Variants in KATNIP observed in about 807,000 individuals in gnomAD.
KATNIP encodes the protein katanin interacting protein.
In KATNIP, 126 loss-of-function variants were observed where a neutral mutation model predicts 174.0. The observed-to-expected ratio is 0.72, with a 90% CI of 0.63 to 0.84. The LOEUF is 0.84. Among genes scored for constraint, KATNIP ranks in the 40% least tolerant of loss-of-function variants. The pLI, the probability that KATNIP is intolerant of heterozygous loss-of-function variation, is 0.00. For synonymous variants in KATNIP, 810 were observed against 835.7 expected, an observed-to-expected ratio of 0.97 and a Z score of 0.53; for missense variants, 1,958 against 2,109.7, an observed-to-expected ratio of 0.93 and a Z score of 1.41.
At chr16:27,743,101 CAT>C (rs1374419897) in intron 15 of KATNIP, among the ~76,000 whole-genome samples, 4 of 152,194 alleles carry the variant, frequency 2.6e-5, no homozygotes, top group African/African-American at 9.7e-5. Flanking sequence ...TAAGTAAGAA[CAT>C]GTGGTGTTTG....
Position 27,778,574 on chromosome 16 carries a change from C to T in KATNIP, c.4802C>T (p.Ala1601Val), listed in dbSNP as rs756162835. Reference sequence around the variant, plus strand: ...GTCCCTCTGTTCCCTGTCATGACAGCCTTACGTCCCAAAACCTGCATCAGC... The same window carrying T: ...GTCCCTCTGTTCCCTGTCATGACAGTCTTACGTCCCAAAACCTGCATCAGC... ...AKRKQSVVDPALRPKTCISEK... is the reference protein window; with the variant it reads ...AKRKQSVVDPVLRPKTCISEK... Residue 1601 changes from alanine to valine, a missense_variant and splice_region_variant, in exon 28 of 28, where the codon GCC becomes GTC. By Grantham distance (64) the Ala-to-Val change is moderately conservative (BLOSUM62 0). Around this residue, in one of 3 missense-constraint regions of KATNIP, gnomAD observed 383 missense variants for 456.0 expected, o/e 0.84. Transcript: ENST00000261588. 10 of 1,613,544 alleles carry T rather than the reference C, an allele frequency of 6.2e-6. No individual in the cohort carries two copies. Among genetic ancestry groups the T allele is most frequent in the East Asian group, 2.2e-5 (1 of 44,848 alleles).
intron 11 of KATNIP, among the ~76,000 whole-genome samples, chr16:27,703,583 CT>C (rs2079184935): frequency 1.3e-5 from 2 of 152,232 alleles, no homozygotes; most frequent in South Asian, 4.1e-4. Flanking sequence ...AGGTCACGGG[CT>C]GGATTTGACC....
chr16:27,578,193 C>T (rs1423814619), intron 2 of KATNIP, among the ~76,000 whole-genome samples: 3 of 151,928 alleles, frequency 2.0e-5, no homozygotes, highest in East Asian at 1.9e-4. Context: ...ATTAGCCAGG[C>T]GTGGTGGTAC....
intron 6 of KATNIP, among the ~76,000 whole-genome samples, chr16:27,670,125 C>A (rs1306942699): frequency 6.6e-6 from 1 of 152,088 alleles, no homozygotes; most frequent in East Asian, 1.9e-4. Context: ...CTTAAAATAG[C>A]CATCGGTTTA....
intron 8 of KATNIP, among the ~76,000 whole-genome samples, chr16:27,690,132 A>G (rs2078663425): frequency 6.6e-6 from 1 of 151,614 alleles, no homozygotes; most frequent in Non-Finnish European, 1.5e-5. Context: ...GTGATACCTC[A>G]TCTCTACAAA....
At chr16:27,572,253 T>TA (rs918432455) in intron 1 of KATNIP, among the ~76,000 whole-genome samples, 17 of 151,650 alleles carry the variant, frequency 1.1e-4, no homozygotes, top group South Asian at 1.0e-3. Flanking sequence ...CCCATCTCTA[T>TA]AAAAAAAATT....
Position 27,655,199 on chromosome 16 carries a change from TATATATATATATATATA to T in KATNIP, c.540+6465_540+6481del, listed in dbSNP as rs1478573055. 7.2e-4 allele frequency among the ~76,000 whole-genome samples: 78 copies of T among 108,188 alleles called. 1 individual carries two copies. Among genetic ancestry groups the T allele is most frequent in the African/African-American group, 3.5e-3 (75 of 21,730 alleles). 71.0% of individuals were successfully genotyped at this position (108,188 alleles called of 152,430 possible). On this transcript the variant is annotated intron_variant, in intron 6 of 27. Coordinates refer to ENST00000261588, the MANE Select transcript of KATNIP (RefSeq NM_015202.5). ...ATGGATATATATATATATATATATATATATATATATATATATATATATATATATATTTTGTTTGTTTG... is the reference window on the plus strand; with the variant it reads ...ATGGATATATATATATATATATATATTATATATATATATTTTGTTTGTTTG...
At chr16:27,701,006 T>A (rs997838296) in intron 10 of KATNIP, among the ~76,000 whole-genome samples, 2 of 152,088 alleles carry the variant, frequency 1.3e-5, no homozygotes, top group Non-Finnish European at 2.9e-5. Context: ...CAGGGCACAT[T>A]TTTAGCGTCG....
chr16:27,568,472 A>G (rs1406380601), intron 1 of KATNIP, among the ~76,000 whole-genome samples: 2 of 151,860 alleles, frequency 1.3e-5, no homozygotes, highest in Non-Finnish European at 2.9e-5. Flanking sequence ...AATAAGAAAT[A>G]AGTTTTTTTT....
At chr16:27,769,786 C>A in intron 20 of KATNIP, 75 bp from the exon 21 acceptor site, 1 of 1,546,010 alleles carries the variant, frequency 6.5e-7, no homozygotes. Flanking sequence ...GCCAGCAGCT[C>A]CGGTCACGTC....
At chr16:27,594,117 G>T (rs906883898) in intron 2 of KATNIP, among the ~76,000 whole-genome samples, 16 of 151,810 alleles carry the variant, frequency 1.1e-4, no homozygotes, top group African/African-American at 3.6e-4. Flanking sequence ...AAAATTAACC[G>T]GGCGTGGTGG....
intron 6 of KATNIP, among the ~76,000 whole-genome samples, chr16:27,672,736 A>G (rs2077966432): frequency 1.3e-5 from 2 of 152,188 alleles, no homozygotes; most frequent in East Asian, 3.9e-4. Context: ...GGACCAGCAT[A>G]AAGGCTGGTC....
intron 2 of KATNIP, among the ~76,000 whole-genome samples, chr16:27,585,179 C>T (rs1312564283): frequency 1.3e-5 from 2 of 152,182 alleles, no homozygotes; most frequent in Non-Finnish European, 2.9e-5. Context: ...CAATTAACTA[C>T]AGCCAGATTC....
At chr16:27,749,525 T>TC (rs1380675097) in intron 15 of KATNIP, 59 bp from the exon 16 acceptor site, 6 of 1,502,660 alleles carry the variant, frequency 4.0e-6, no homozygotes, top group East Asian at 2.3e-5. Flanking sequence ...TCTCTAATGG[T>TC]CCCCACTTCC....
At chr16:27,605,412 C>G (rs1054636014) in intron 2 of KATNIP, among the ~76,000 whole-genome samples, 1 of 152,162 alleles carries the variant, frequency 6.6e-6, no homozygotes, top group Non-Finnish European at 1.5e-5. Flanking sequence ...TATAAAAATA[C>G]ACCGTAACTG....
intron 13 of KATNIP, among the ~76,000 whole-genome samples, chr16:27,720,342 C>T (rs949773172): frequency 6.6e-6 from 1 of 152,066 alleles, no homozygotes. Context: ...CCACCTGCCT[C>T]CACCTCCCAA....
chr16:27,556,236 C>G (rs562546262), intron 1 of KATNIP, among the ~76,000 whole-genome samples: 63 of 152,244 alleles, frequency 4.1e-4, no homozygotes, highest in Non-Finnish European at 6.9e-4. Flanking sequence ...ATGAAGCTCT[C>G]TAGCAGATGA....
chr16:27,587,195 G>T (rs907051674), intron 2 of KATNIP, among the ~76,000 whole-genome samples: 9 of 152,178 alleles, frequency 5.9e-5, no homozygotes, highest in African/African-American at 2.2e-4. Context: ...GTTGTTGAGA[G>T]AATTAAAAGA....
Position 27,769,879 on chromosome 16 carries a change from T to C in KATNIP, c.3994T>C (p.Ser1332Pro), listed in dbSNP as rs1453173988. ...TTGCCAGGCCAAGATTGTCCACGTC[T>C]CCCTGGATGGCCTGTGCGTCTCCCC... ...TYRGAKIVHV[S>P]LDGLCVSPPE... is the part of the protein sequence containing the mutation. The change falls in exon 21 of 28, where the codon TCC (serine) becomes CCC (proline). Residue 1332 changes from serine (S) to proline (P), a missense_variant. By Grantham distance (74) the Ser-to-Pro change is moderately conservative. Around this residue, in one of 3 missense-constraint regions of KATNIP, gnomAD observed 383 missense variants for 456.0 expected, o/e 0.84. Transcript: ENST00000261588. 1.2e-6 allele frequency: 2 copies of C among 1,613,986 alleles called. No homozygotes were observed. Among genetic ancestry groups the C allele is most frequent in the African/African-American group, 1.3e-5 (1 of 74,934 alleles).
Sources: allele counts gnomAD v4.1 joint callset (sites outside exome capture counted in the v4.1 genomes callset), GRCh38; gene constraint gnomAD v4.1.1; regional missense constraint gnomAD v4.1.1; transcripts MANE v1.5; gene names NCBI Gene and HGNC (gene_info 2026-07-23, HGNC 2026-07-21).